NCF1: variants seen among roughly 807,000 people sequenced by gnomAD.
The protein encoded by NCF1 is neutrophil cytosolic factor 1, also known as neutrophil cytosol factor 1.
Under a neutral mutation model 34.9 loss-of-function variants are expected in NCF1, and 8 were observed. That is an observed-to-expected ratio of 0.23 (90% CI 0.13 to 0.41). NCF1 has a LOEUF of 0.41. Among genes scored for constraint, NCF1 ranks in the 10% least tolerant of loss-of-function variants. NCF1 has a pLI of 1.00. For missense variants in NCF1, 122 were observed against 362.4 expected (o/e 0.34, Z 5.39); for synonymous variants, 57 against 146.3 (o/e 0.39, Z 4.41).
intron 7 of NCF1, 119 bp downstream of exon 7, chr7:74,783,751 C>G: frequency 6.9e-7 from 1 of 1,442,990 alleles, no homozygotes; most frequent in Non-Finnish European, 9.4e-7. Context: ...AAAGTCAGGG[C>G]TAAGATCTCA....
chr7:74,787,698 G>A (rs1205652921), intron 8 of NCF1, among the ~76,000 whole-genome samples: 48 of 143,984 alleles, frequency 3.3e-4, no homozygotes, highest in African/African-American at 1.1e-3. Flanking sequence ...GATTACAGGC[G>A]TGAGCGACCG....
chr7:74,788,994 T>TGGGCGGGGCCA lies in NCF1; in HGVS notation c.1052-44_1052-43insGGCGGGGCCAG, dbSNP rs1584377054. The TGGGCGGGGCCA allele has an allele frequency of 4.1e-5, 10 of 243,150 alleles. 1 individual carries two copies. The East Asian group carries it at 1.3e-3, about 32-fold the overall frequency. 15.1% of individuals were successfully genotyped at this position (243,150 alleles called of 1,614,324 possible). On this transcript the variant is annotated intron_variant, in intron 10 of 10. Transcript: ENST00000289473. ...CAGAGAGCGCTGTGGGCGGGGCCAG[T>TGGGCGGGGCCA]GTGCGGGGCGGGGCGTCTGACTCGG... is the stretch of plus-strand genomic sequence containing the variant.
In NCF1 at chr7:74,783,054, C is replaced by T. The variant is rs1309413550; in HGVS notation, c.567C>T (p.Ser189=). The T allele has an allele frequency of 6.2e-6, 10 of 1,611,456 alleles. No individual in the cohort carries two copies. Among genetic ancestry groups the T allele is most frequent in the South Asian group, 1.1e-5 (1 of 90,982 alleles). ...TGDVVEVVEK[S]ESGWWFCQMK... The stretch of plus-strand genomic sequence containing the variant: ...ACGTGGTGGAGGTCGTAGAGAAGAG[C>T]GAGAGCGGTCAGACCTCCCACCTTA... Residue 189 remains serine (S), a synonymous_variant, in exon 6 of 11, where the codon AGC becomes AGT. Coordinates refer to ENST00000289473, the MANE Select transcript of NCF1 (RefSeq NM_000265.7).
chr7:74,783,229 C>G, intron 6 of NCF1, 168 bp downstream of exon 6: 1 of 1,357,710 alleles, frequency 7.4e-7, no homozygotes, highest in Non-Finnish European at 1.0e-6. Flanking sequence ...TAGTGTGCAC[C>G]CTGTGGTGGC....
chr7:74,777,305 G>A lies in NCF1; in HGVS notation c.111G>A (p.Glu37=). The change falls in exon 2 of 11, where the codon GAG becomes GAA. Residue 37 remains glutamate (E), a synonymous_variant. Transcript: ENST00000289473. ...MFLVKWQDLS[E]KVVYRRFTEI... ...TGGTGAAATGGCAGGACCTGTCGGA[G>A]AAGGTGGTCTACCGGCGCTTCACCG... 6.2e-7 allele frequency: 1 copy of A among 1,609,508 alleles called. No homozygotes were observed. Among genetic ancestry groups the A allele is most frequent in the Non-Finnish European group, 8.5e-7 (1 of 1,177,998 alleles).
intron 3 of NCF1, 34 bp from the exon 4 acceptor site, chr7:74,779,223 C>T (rs782515324): frequency 1.9e-6 from 3 of 1,610,402 alleles, no homozygotes; most frequent in African/African-American, 1.3e-5. Flanking sequence ...CTCCCAGCCC[C>T]TCTCGGGCTT....
At chr7:74,788,865 AG>A (rs1563006106) in intron 10 of NCF1, among the ~76,000 whole-genome samples, 161 bp downstream of exon 10, 1 of 145,852 alleles carries the variant, frequency 6.9e-6, no homozygotes, top group Non-Finnish European at 1.5e-5. Context: ...AGCCAGCGCT[AG>A]GGGGCGGAGC....
In NCF1 at chr7:74,783,034, G is replaced by A; in HGVS notation, c.547G>A (p.Val183Met). 1 of 1,611,524 alleles carries A rather than the reference G, an allele frequency of 6.2e-7. No individual in the cohort carries two copies. The highest frequency in any genetic ancestry group is 8.5e-7 in the Non-Finnish European group (1 of 1,179,710). ...SEMALSTGDV[V>M]EVVEKSESGW... ...GATGGCTCTGTCCACGGGGGACGTG[G>A]TGGAGGTCGTAGAGAAGAGCGAGAG... Residue 183 changes from valine (V) to methionine (M), a missense_variant, in exon 6 of 11, where the codon GTG (valine) becomes ATG (methionine). This residue lies in a region of NCF1 where 57 missense variants were observed against 89.3 expected (regional missense o/e 0.64). Transcript: ENST00000289473.
At position 74,783,186 on chromosome 7, in the gene NCF1, T is replaced by C. The variant is rs1164866061; in HGVS notation, c.574+125T>C. On this transcript the variant is annotated intron_variant, in intron 6 of 10. Coordinates refer to ENST00000289473, the MANE Select transcript of NCF1 (RefSeq NM_000265.7). The stretch of plus-strand genomic sequence containing the variant: ...CTCCGGCTCTGTTAGGGGCCCTAAA[T>C]GTCCTCCCCACACTGTGGGTCGCCT... 8 of 1,524,198 alleles carry C rather than the reference T, an allele frequency of 5.2e-6. 1 individual carries two copies. The Middle Eastern group carries it at 5.7e-4, about 109-fold the overall frequency. 94.4% of individuals were successfully genotyped at this position (1,524,198 alleles called of 1,614,324 possible).
chr7:74,777,487 A>G, intron 2 of NCF1, 140 bp downstream of exon 2: 1 of 852,526 alleles, frequency 1.2e-6, no homozygotes, highest in South Asian at 1.5e-5. Flanking sequence ...TTATTTATTT[A>G]TATAAATTTT....
intron 5 of NCF1, among the ~76,000 whole-genome samples, chr7:74,781,822 T>C (rs1377020975): frequency 7.2e-6 from 1 of 139,360 alleles, no homozygotes; most frequent in African/African-American, 2.7e-5. Context: ...CATGAGCCAC[T>C]GTGCCCGGCT....
At chr7:74,788,804 G>C in intron 10 of NCF1, 100 bp downstream of exon 10, 3 of 1,384,344 alleles carry the variant, frequency 2.2e-6, no homozygotes, top group Non-Finnish European at 3.0e-6. Context: ...GGCGGGACCA[G>C]AGGGCGGAAT....
At chr7:74,785,808 G>A (rs1277463604) in intron 8 of NCF1, among the ~76,000 whole-genome samples, 143 of 149,206 alleles carry the variant, frequency 9.6e-4, no homozygotes, top group Non-Finnish European at 6.8e-4. Context: ...ACTTCAACCC[G>A]GGAGGCGGAG....
intron 2 of NCF1, chr7:74,778,363 C>A: frequency 2.2e-6 from 1 of 447,430 alleles, no homozygotes; most frequent in Non-Finnish European, 4.5e-6. Context: ...CTCAAGTGAT[C>A]CTCCCGCCTC....
rs1554413462 is a variant in NCF1, at chr7:74,779,302, G to A, written c.275G>A (p.Gly92Asp). The A allele has an allele frequency of 1.2e-6, 2 of 1,608,970 alleles. No homozygotes were observed. Among genetic ancestry groups the A allele is most frequent in the Admixed American group, 3.4e-5 (2 of 59,696 alleles). ...CAGCGGGCCGCCGAGAACCGCCAGGGCACACTTACCGAGTACTGCAGCACG... is the reference window on the plus strand; with the variant it reads ...CAGCGGGCCGCCGAGAACCGCCAGGACACACTTACCGAGTACTGCAGCACG... ...DGQRAAENRQ[G>D]TLTEYCSTLM... Residue 92 changes from glycine (G) to aspartate (D), a missense_variant, in exon 4 of 11, where the codon GGC becomes GAC. Gly to Asp is a moderately conservative substitution (Grantham distance 94). This residue lies in a region of NCF1 where 14 missense variants were observed against 22.4 expected (regional missense o/e 0.62). Coordinates refer to ENST00000289473, the MANE Select transcript of NCF1 (RefSeq NM_000265.7).
chr7:74,781,858 G>C (rs1252804425), intron 5 of NCF1, among the ~76,000 whole-genome samples: 3 of 144,994 alleles, frequency 2.1e-5, no homozygotes, highest in Non-Finnish European at 4.5e-5. Flanking sequence ...AAGGACACGA[G>C]GCCTGTTGGG....
rs782272331 is a variant in NCF1 at position 74,777,267 on chromosome 7, G to C, written c.73G>C (p.Val25Leu). 8.2e-6 allele frequency: 13 copies of C among 1,586,842 alleles called. No individual in the cohort carries two copies. The South Asian group carries it at 1.4e-4, about 18-fold the overall frequency. ...EKRFVPSQHYVYMFLVKWQDL... is the reference protein window; with the variant it reads ...EKRFVPSQHYLYMFLVKWQDL... ...TCCCCCGACTCTGGCTTTCCCCCAG[G>C]TGTACATGTTCCTGGTGAAATGGCA... The change falls in exon 2 of 11, where the codon GTG becomes CTG. Residue 25 changes from valine (V) to leucine (L), a missense_variant and splice_region_variant. Around this residue, in one of 9 missense-constraint regions of NCF1, gnomAD observed 12 missense variants for 30.0 expected, o/e 0.40. Coordinates refer to ENST00000289473, the MANE Select transcript of NCF1 (RefSeq NM_000265.7).
chr7:74,778,980 G>T, intron 2 of NCF1, 102 bp from the exon 3 acceptor site: 1 of 608,144 alleles, frequency 1.6e-6, no homozygotes, highest in East Asian at 3.4e-5. Context: ...CGGCCTTTTA[G>T]GTGGTTTTGA....
chr7:74,782,417 A>G (rs1384059653), intron 5 of NCF1, among the ~76,000 whole-genome samples: 1 of 44,350 alleles, frequency 2.3e-5, no homozygotes, highest in Non-Finnish European at 4.1e-5. Flanking sequence ...CCAGTGACAG[A>G]GCGAGACTCC....
Sources: gnomAD v4.1 joint callset for allele counts (sites outside exome capture counted in the v4.1 genomes callset) on GRCh38, gnomAD v4.1.1 for gene constraint, gnomAD v4.1.1 regional missense constraint, MANE v1.5 for transcripts, NCBI Gene and HGNC (gene_info 2026-07-23, HGNC 2026-07-21) for gene names.